The following CRTAM variants were observed in gnomAD, a reference collection of about 807,000 sequenced individuals.
CRTAM encodes cytotoxic and regulatory T-cell molecule.
CRTAM carries 44 observed loss-of-function variants against 50.0 expected under a neutral mutation model. That is an observed-to-expected ratio of 0.88 (90% confidence interval 0.69 to 1.13). CRTAM has a LOEUF of 1.13. CRTAM is among the 50% of genes most tolerant of loss of function. CRTAM has a pLI of 0.00. For missense variants in CRTAM, 448 were observed against 457.5 expected (o/e 0.98, Z 0.19); for synonymous variants, 159 against 169.3 (o/e 0.94, Z 0.47).
At chr11:122,847,896 G>T (rs553571653) in intron 1 of CRTAM, among the ~76,000 whole-genome samples, 1 of 152,224 alleles carries the variant, frequency 6.6e-6, no homozygotes, top group South Asian at 2.1e-4. Context: ...GGGCTTGGAC[G>T]CAGTGGTATG....
chr11:122,859,162 G>A (rs1020917934), intron 5 of CRTAM, among the ~76,000 whole-genome samples: 5 of 152,046 alleles, frequency 3.3e-5, no homozygotes, highest in African/African-American at 4.8e-5. Flanking sequence ...TGAGATGAGT[G>A]CAGTGGCCCG....
At chr11:122,851,397 A>C (rs2135237006) in intron 2 of CRTAM, among the ~76,000 whole-genome samples, 1 of 152,366 alleles carries the variant, frequency 6.6e-6, no homozygotes, top group East Asian at 1.9e-4. Flanking sequence ...GAGAGAAAAA[A>C]ATTTTAAATA....
chr11:122,866,807 C>G (rs1862180781), intron 7 of CRTAM, among the ~76,000 whole-genome samples: 1 of 151,976 alleles, frequency 6.6e-6, no homozygotes, highest in South Asian at 2.1e-4. Flanking sequence ...GACAAAGTGT[C>G]ACTATGTTGC....
intron 9 of CRTAM, 92 bp downstream of exon 9, chr11:122,868,191 T>A: frequency 5.8e-6 from 1 of 172,994 alleles, no homozygotes; most frequent in South Asian, 1.0e-4. Context: ...ACAGAATATG[T>A]GTGTGTGTGT....
intron 3 of CRTAM, among the ~76,000 whole-genome samples, chr11:122,852,544 A>G (rs1013790164): frequency 3.9e-5 from 6 of 152,212 alleles, no homozygotes; most frequent in African/African-American, 1.2e-4. Flanking sequence ...TGAATGTCTT[A>G]GACTTCTCCT....
At chr11:122,853,546 C>T (rs114532269) in intron 3 of CRTAM, among the ~76,000 whole-genome samples, 1,776 of 151,818 alleles carry the variant, frequency 0.012, 44 homozygotes, top group African/African-American at 0.041. Flanking sequence ...ATGGGCCGGG[C>T]GCAGTGGCTC....
At chr11:122,860,629 C>T (rs1053905511) in intron 5 of CRTAM, among the ~76,000 whole-genome samples, 10 of 152,178 alleles carry the variant, frequency 6.6e-5, no homozygotes, top group Non-Finnish European at 1.0e-4. Context: ...TCTGAATTCA[C>T]ATAGTATATA....
In CRTAM at chr11:122,854,064, T is replaced by A. The variant is rs200637938; in HGVS notation, c.468T>A (p.Leu156=). The A allele has an allele frequency of 1.4e-4, 219 of 1,614,028 alleles. No individual in the cohort carries two copies. Among genetic ancestry groups the A allele is most frequent in the Non-Finnish European group, 1.8e-4 (211 of 1,179,944 alleles). Residue 156 remains leucine (L), a synonymous_variant, in exon 4 of 10, where the codon CTT becomes CTA. Coordinates refer to ENST00000227348, the MANE Select transcript of CRTAM (RefSeq NM_019604.4). ...CCCCTCCGCAGATAACCTGGCTACT[T>A]GGGAATAGCATGGAAGTGTCCGGTA... ...SKPPPQITWL[L]GNSMEVSGGT...
At chr11:122,842,058 A>G (rs1861805611) in intron 1 of CRTAM, among the ~76,000 whole-genome samples, 1 of 152,220 alleles carries the variant, frequency 6.6e-6, no homozygotes, top group African/African-American at 2.4e-5. Flanking sequence ...TATCATAGAA[A>G]AAGACAAACT....
rs183678482 is a variant in CRTAM at position 122,841,494 on chromosome 11, G to T, written c.46+2902G>T. 9.4e-3 allele frequency among the ~76,000 whole-genome samples: 1,419 copies of T among 150,774 alleles called. 22 individuals are homozygous for T. Among genetic ancestry groups the T allele is most frequent in the African/African-American group, 0.032 (1,323 of 40,978 alleles). The stretch of plus-strand genomic sequence containing the variant: ...CAGCTCACTGCAAGCTCCACCTCCC[G>T]GGTTGACGCCATTCTCCTGCCTCAG... On this transcript the variant is annotated intron_variant, in intron 1 of 9. Coordinates refer to ENST00000227348, the MANE Select transcript of CRTAM (RefSeq NM_019604.4).
rs1862194775 is a variant in CRTAM, at chr11:122,867,546, T to A, written c.955T>A (p.Trp319Arg). The A allele has an allele frequency of 1.2e-6, 2 of 1,613,418 alleles. No individual in the cohort carries two copies. The highest frequency in any genetic ancestry group is 1.7e-6 in the Non-Finnish European group (2 of 1,179,692). ...IMKLRKAHVI[W>R]KKENEVSEHT... ...GAAGCTGAGGAAAGCACATGTGATA[T>A]GGAAGAAAGGTCAGTGGGCAGGGAA... Residue 319 changes from tryptophan (W) to arginine (R), a missense_variant, in exon 8 of 10, where the codon TGG becomes AGG. Coordinates refer to ENST00000227348, the MANE Select transcript of CRTAM (RefSeq NM_019604.4).
In CRTAM at chr11:122,871,335, A is replaced by C. The variant is rs756742868; in HGVS notation, c.1118A>C (p.Lys373Thr). 2 of 1,613,824 alleles carry C rather than the reference A, an allele frequency of 1.2e-6. No individual in the cohort carries two copies. The highest frequency in any genetic ancestry group is 1.7e-6 in the Non-Finnish European group (2 of 1,179,702). ...KLYSEAKTKR[K>T]ENVQHSKLEE... The stretch of plus-strand genomic sequence containing the variant: ...TACTCAGAAGCAAAAACAAAGAGGA[A>C]GGAAAATGTACAACATTCAAAATTA... Residue 373 changes from lysine (K) to threonine (T), a missense_variant, in exon 10 of 10, where the codon AAG becomes ACG. By Grantham distance (78) the Lys-to-Thr change is moderately conservative (BLOSUM62 -1). Coordinates refer to ENST00000227348, the MANE Select transcript of CRTAM (RefSeq NM_019604.4).
At chr11:122,859,443 A>G (rs1229405625) in intron 5 of CRTAM, among the ~76,000 whole-genome samples, 6 of 150,528 alleles carry the variant, frequency 4.0e-5, no homozygotes, top group Non-Finnish European at 8.9e-5. Flanking sequence ...AAAAAAAAGT[A>G]TATTTTGTAA....
intron 6 of CRTAM, among the ~76,000 whole-genome samples, chr11:122,864,273 G>A (rs1010477161): frequency 1.5e-4 from 23 of 152,174 alleles, no homozygotes; most frequent in Non-Finnish European, 3.2e-4. Flanking sequence ...CTAGAGTTAG[G>A]TAAAACAGAG....
intron 1 of CRTAM, among the ~76,000 whole-genome samples, chr11:122,849,684 T>C (rs999503761): frequency 2.0e-5 from 3 of 151,920 alleles, no homozygotes; most frequent in African/African-American, 7.3e-5. Flanking sequence ...ATTGTGCCAC[T>C]GGACTTCAGC....
chr11:122,855,668 C>A (rs765167534), intron 4 of CRTAM, 27 bp from the exon 5 acceptor site: 64 of 1,609,326 alleles, frequency 4.0e-5, no homozygotes, highest in Non-Finnish European at 4.8e-5. Flanking sequence ...CATTAAATAG[C>A]CATAACCTCT....
intron 1 of CRTAM, among the ~76,000 whole-genome samples, chr11:122,842,625 G>A (rs987028443): frequency 1.3e-5 from 2 of 152,232 alleles, no homozygotes; most frequent in African/African-American, 4.8e-5. Flanking sequence ...AGATGATGAT[G>A]ATGAATTAGA....
chr11:122,867,321 A>C, intron 7 of CRTAM, 88 bp from the exon 8 acceptor site: 1 of 1,176,344 alleles, frequency 8.5e-7, no homozygotes, highest in Non-Finnish European at 1.2e-6. Flanking sequence ...CTTATATCAC[A>C]TTGTAGAAGT....
At chr11:122,868,188 A>ATGTGTGTGTGTGTGTGTGTGTG in intron 9 of CRTAM, 89 bp downstream of exon 9, 1 of 438,344 alleles carries the variant, frequency 2.3e-6, no homozygotes, top group South Asian at 2.9e-5. Flanking sequence ...ACAACAGAAT[A>ATGTGTGTGTGTGTGTGTGTGTG]TGTGTGTGTG....
Sources: gnomAD v4.1 joint callset for allele counts (sites outside exome capture counted in the v4.1 genomes callset) on GRCh38, gnomAD v4.1.1 for gene constraint, MANE v1.5 for transcripts, NCBI Gene and HGNC (gene_info 2026-07-23, HGNC 2026-07-21) for gene names.